The following AK8 variants were observed in gnomAD, a reference collection of about 807,000 sequenced individuals.
AK8 encodes adenylate kinase 8, also known as ATP-AMP transphosphorylase 8.
AK8 carries 44 observed loss-of-function variants against 54.6 expected under a neutral mutation model. The ratio of observed to expected loss-of-function variants is 0.81; its 90% confidence interval spans 0.63 to 1.04. The LOEUF is 1.04. Ranked by LOEUF, AK8 falls within the 50% of genes least tolerant of loss-of-function variation. The pLI, the probability that AK8 is intolerant of heterozygous loss-of-function variation, is 0.00. For missense variants in AK8, 555 were observed against 613.6 expected (o/e 0.90, Z 1.01); for synonymous variants, 239 against 245.6 (o/e 0.97, Z 0.25).
intron 10 of AK8, 55 bp downstream of exon 10, chr9:132,814,583 G>C: frequency 6.5e-7 from 1 of 1,536,862 alleles, no homozygotes; most frequent in South Asian, 1.2e-5. Context: ...CGCACAAAAA[G>C]AAAGTTCTCT....
Position 132,792,625 on chromosome 9 carries a change from G to T in AK8, c.1121+9C>A, listed in dbSNP as rs1839988462. 5.2e-6 allele frequency: 8 copies of T among 1,549,956 alleles called. No individual in the cohort carries two copies. In the African/African-American group the frequency reaches 6.8e-5, roughly 13 times the overall value. On this transcript the variant is annotated intron_variant, in intron 11 of 12. Coordinates refer to ENST00000298545, the MANE Select transcript of AK8 (RefSeq NM_152572.3). The stretch of plus-strand genomic sequence containing the variant: ...GGCCAGGGCTGCTGGCTTGGCTGGG[G>T]CAGCTCACCTGTTGGGATTGTAGCC...
chr9:132,732,705 A>G (rs1260193746), intron 11 of AK8, among the ~76,000 whole-genome samples: 1 of 150,876 alleles, frequency 6.6e-6, no homozygotes, highest in African/African-American at 2.4e-5. Flanking sequence ...ACGAGAGCAG[A>G]AAGATGGTGA....
At chr9:132,809,621 C>T (rs984304300) in intron 10 of AK8, among the ~76,000 whole-genome samples, 3 of 152,202 alleles carry the variant, frequency 2.0e-5, no homozygotes, top group East Asian at 1.9e-4. Context: ...GCCTGGCCTC[C>T]AAAGGGCACG....
chr9:132,776,601 T>C (rs1839230270), intron 11 of AK8, among the ~76,000 whole-genome samples: 1 of 152,082 alleles, frequency 6.6e-6, no homozygotes, highest in Non-Finnish European at 1.5e-5. Flanking sequence ...GCTCTGAGAG[T>C]GCTGCGGGGC....
intron 11 of AK8, 139 bp from the exon 12 acceptor site, chr9:132,727,673 C>T (rs1020490434): frequency 7.1e-5 from 51 of 721,406 alleles, no homozygotes; most frequent in Non-Finnish European, 1.2e-4. Context: ...AAGCAATGTG[C>T]CTGCAAACCT....
chr9:132,728,304 C>T (rs549519592), intron 11 of AK8, among the ~76,000 whole-genome samples: 5 of 152,212 alleles, frequency 3.3e-5, no homozygotes, highest in African/African-American at 1.2e-4. Context: ...GCCCCCATCA[C>T]TCCTGGGGTT....
chr9:132,828,716 A>G lies in AK8; in HGVS notation c.413T>C (p.Leu138Pro), dbSNP rs1841982902. The change falls in exon 6 of 13, where the codon CTG becomes CCG. Residue 138 changes from leucine to proline, a missense_variant. Physicochemically the swap from Leu to Pro is moderately conservative, Grantham distance 98. Transcript: ENST00000298545. ...EEDCIKQGWILDGIPETREQA... is the reference protein window; with the variant it reads ...EEDCIKQGWIPDGIPETREQA... The stretch of plus-strand genomic sequence containing the variant: ...CTCACGCGTCTCAGGGATGCCATCC[A>G]GAATCCAGCCCTAGACAGAAGATTC... 1.2e-6 allele frequency: 2 copies of G among 1,611,752 alleles called. No individual in the cohort carries two copies. Among genetic ancestry groups the G allele is most frequent in the African/African-American group, 1.3e-5 (1 of 74,906 alleles).
chr9:132,840,449 A>ACAC (rs1304130927), intron 5 of AK8, among the ~76,000 whole-genome samples: 14 of 139,574 alleles, frequency 1.0e-4, no homozygotes, highest in African/African-American at 3.6e-4. Context: ...CACACACACA[A>ACAC]GGCAAGTGAA....
intron 11 of AK8, among the ~76,000 whole-genome samples, chr9:132,792,023 G>A (rs893546941): frequency 1.3e-5 from 2 of 152,174 alleles, no homozygotes; most frequent in South Asian, 2.1e-4. Context: ...TGTCACCTCC[G>A]CTGCCTGCCT....
chr9:132,794,955 G>A (rs778379151), intron 10 of AK8, among the ~76,000 whole-genome samples: 2 of 152,230 alleles, frequency 1.3e-5, no homozygotes, highest in African/African-American at 4.8e-5. Context: ...GCACACAGCC[G>A]ACACTCAAAG....
At chr9:132,854,804 T>TTG in intron 5 of AK8, 53 bp downstream of exon 5, 1 of 1,595,202 alleles carries the variant, frequency 6.3e-7, no homozygotes, top group East Asian at 2.2e-5. Context: ...ACACACGCCC[T>TTG]TCACCCTCCC....
intron 5 of AK8, among the ~76,000 whole-genome samples, chr9:132,845,544 C>A (rs1304384024): frequency 6.6e-6 from 1 of 152,132 alleles, no homozygotes; most frequent in Non-Finnish European, 1.5e-5. Flanking sequence ...AATCCCAGCA[C>A]TTTGGGAGGC....
At chr9:132,740,764 C>G (rs181268966) in intron 11 of AK8, among the ~76,000 whole-genome samples, 2 of 152,242 alleles carry the variant, frequency 1.3e-5, no homozygotes, top group African/African-American at 4.8e-5. Flanking sequence ...TGGGCCCAGG[C>G]GAGGAACCCA....
At chr9:132,875,428 G>A (rs1159472770) in intron 1 of AK8, among the ~76,000 whole-genome samples, 1 of 152,176 alleles carries the variant, frequency 6.6e-6, no homozygotes, top group Non-Finnish European at 1.5e-5. Context: ...CAGAAGTGGA[G>A]GAGTCTCGCC....
At chr9:132,740,485 C>T (rs545960663) in intron 11 of AK8, among the ~76,000 whole-genome samples, 89 of 152,124 alleles carry the variant, frequency 5.9e-4, no homozygotes, top group Non-Finnish European at 1.1e-3. Flanking sequence ...ACTTAGTGGC[C>T]GTGTGTGGTG....
intron 1 of AK8, chr9:132,877,952 C>G: frequency 1.6e-6 from 2 of 1,218,272 alleles, no homozygotes; most frequent in Middle Eastern, 1.9e-4. Context: ...CCCTTCCTCC[C>G]CCTGGGTCCG....
At chr9:132,850,958 C>T (rs1049761993) in intron 5 of AK8, among the ~76,000 whole-genome samples, 2 of 151,812 alleles carry the variant, frequency 1.3e-5, no homozygotes, top group Admixed American at 6.6e-5. Flanking sequence ...GTGCGCCACC[C>T]GCCTTGTCAA....
chr9:132,788,229 C>T (rs980288744), intron 11 of AK8, among the ~76,000 whole-genome samples: 12 of 152,152 alleles, frequency 7.9e-5, no homozygotes, highest in Non-Finnish European at 1.2e-4. Context: ...AAAAAGCTAA[C>T]GCCTTCCAGC....
In AK8 at chr9:132,864,296, A is replaced by G. The variant is rs78479318; in HGVS notation, c.220-518T>C. 5.3e-3 allele frequency among the ~76,000 whole-genome samples: 814 copies of G among 152,338 alleles called. 3 individuals are homozygous for G. Among genetic ancestry groups the G allele is most frequent in the Non-Finnish European group, 8.2e-3 (555 of 68,036 alleles). The stretch of plus-strand genomic sequence containing the variant: ...ATGGACTAAAACATTCTTGACACCA[A>G]AATTGTGCTGATGACTATTTCAGCC... On this transcript the variant is annotated intron_variant, in intron 3 of 12. Transcript: ENST00000298545.
Sources: allele counts gnomAD v4.1 joint callset (sites outside exome capture counted in the v4.1 genomes callset), GRCh38; gene constraint gnomAD v4.1.1; transcripts MANE v1.5; gene names NCBI Gene and HGNC (gene_info 2026-07-23, HGNC 2026-07-21).